Variants in RASAL2 observed in about 807,000 individuals in gnomAD.
RASAL2 encodes the protein ras GTPase-activating protein nGAP.
In RASAL2, 58 loss-of-function variants were observed where a neutral mutation model predicts 128.9. The ratio of observed to expected loss-of-function variants is 0.45; its 90% confidence interval spans 0.36 to 0.56. RASAL2 has a LOEUF of 0.56. Ranked by LOEUF, RASAL2 falls within the 20% of genes least tolerant of loss-of-function variation. RASAL2 has a pLI of 0.00. For missense variants in RASAL2, 1,360 were observed against 1,601.6 expected, an observed-to-expected ratio of 0.85 and a Z score of 2.57; for synonymous variants, 561 against 580.8, an observed-to-expected ratio of 0.97 and a Z score of 0.49.
chr1:178,107,553 G>A (rs910244870), intron 1 of RASAL2, among the ~76,000 whole-genome samples: 1 of 152,048 alleles, frequency 6.6e-6, no homozygotes, highest in Non-Finnish European at 1.5e-5. Context: ...ATAATGTTGT[G>A]TAACCATCAC....
chr1:178,416,153 A>C (rs1674737906), intron 4 of RASAL2, among the ~76,000 whole-genome samples: 1 of 152,062 alleles, frequency 6.6e-6, no homozygotes, highest in South Asian at 2.1e-4. Context: ...CACTGTTTAT[A>C]ACCTTTCGTG....
At chr1:178,188,642 G>A (rs1662391250) in intron 1 of RASAL2, among the ~76,000 whole-genome samples, 3 of 152,038 alleles carry the variant, frequency 2.0e-5, no homozygotes, top group Admixed American at 6.6e-5. Flanking sequence ...CCTCTCAAAA[G>A]CATGTTCAAA....
intron 1 of RASAL2, among the ~76,000 whole-genome samples, chr1:178,133,278 T>A (rs1168580857): frequency 6.6e-6 from 1 of 152,222 alleles, no homozygotes; most frequent in African/African-American, 2.4e-5. Context: ...CTCCCCTGCC[T>A]TTTTGTTATA....
intron 1 of RASAL2, among the ~76,000 whole-genome samples, chr1:178,184,859 G>A (rs538675632): frequency 8.5e-5 from 13 of 152,140 alleles, no homozygotes; most frequent in Admixed American, 3.3e-4. Context: ...CAACTTGCTG[G>A]AAATTTAATT....
At chr1:178,450,931 G>A (rs188624937) in intron 9 of RASAL2, among the ~76,000 whole-genome samples, 1 of 152,298 alleles carries the variant, frequency 6.6e-6, no homozygotes, top group East Asian at 1.9e-4. Context: ...AACAGGTAAG[G>A]TAGGAATTTG....
At chr1:178,265,947 T>C (rs984630492) in intron 1 of RASAL2, among the ~76,000 whole-genome samples, 1 of 152,238 alleles carries the variant, frequency 6.6e-6, no homozygotes, top group African/African-American at 2.4e-5. Flanking sequence ...AGTTCTTTCA[T>C]TCTCCCTGGT....
At chr1:178,357,925 T>C (rs914577688) in intron 3 of RASAL2, among the ~76,000 whole-genome samples, 33 of 151,940 alleles carry the variant, frequency 2.2e-4, no homozygotes, top group Non-Finnish European at 4.6e-4. Context: ...CAGTCTCTTA[T>C]TGAAGTATAT....
chr1:178,240,445 T>C (rs1331575066), intron 1 of RASAL2, among the ~76,000 whole-genome samples: 1 of 151,982 alleles, frequency 6.6e-6, no homozygotes, highest in Non-Finnish European at 1.5e-5. Context: ...ACACAATAGG[T>C]CCATTTTCTT....
intron 1 of RASAL2, among the ~76,000 whole-genome samples, chr1:178,263,245 T>C (rs558385078): frequency 2.2e-4 from 34 of 152,350 alleles, no homozygotes; most frequent in African/African-American, 7.0e-4. Context: ...TTGTTTCAGA[T>C]GTGTGAAGTT....
intron 1 of RASAL2, among the ~76,000 whole-genome samples, chr1:178,221,624 A>C (rs1663616134): frequency 6.6e-6 from 1 of 152,152 alleles, no homozygotes; most frequent in Non-Finnish European, 1.5e-5. Flanking sequence ...CTGAGAGCAG[A>C]CATGGTATGA....
intron 3 of RASAL2, among the ~76,000 whole-genome samples, chr1:178,332,653 C>A (rs1202599953): frequency 6.6e-6 from 1 of 150,818 alleles, no homozygotes; most frequent in Non-Finnish European, 1.5e-5. Context: ...ACTCTGCCGC[C>A]CAGGCTGGAG....
chr1:178,437,605 T>C (rs937445451), intron 5 of RASAL2, among the ~76,000 whole-genome samples: 1 of 152,106 alleles, frequency 6.6e-6, no homozygotes, highest in Non-Finnish European at 1.5e-5. Context: ...GTTGAGAAGC[T>C]CACCCCAGAG....
chr1:178,202,602 A>G (rs1662909719), intron 1 of RASAL2, among the ~76,000 whole-genome samples: 1 of 152,158 alleles, frequency 6.6e-6, no homozygotes, highest in Non-Finnish European at 1.5e-5. Context: ...GGCTATAGTC[A>G]ATGGTTTGGC....
chr1:178,181,222 A>G (rs1306001505), intron 1 of RASAL2, among the ~76,000 whole-genome samples: 1 of 152,108 alleles, frequency 6.6e-6, no homozygotes, highest in Non-Finnish European at 1.5e-5. Flanking sequence ...AATCACCAAG[A>G]TGGTACAGAG....
At chr1:178,329,209 A>C (rs1320704120) in intron 3 of RASAL2, among the ~76,000 whole-genome samples, 1 of 152,210 alleles carries the variant, frequency 6.6e-6, no homozygotes, top group Non-Finnish European at 1.5e-5. Context: ...AAAAAAGGTA[A>C]GGTAAAAGAT....
intron 1 of RASAL2, among the ~76,000 whole-genome samples, chr1:178,242,408 A>G (rs1664539197): frequency 6.9e-6 from 1 of 145,260 alleles, no homozygotes; most frequent in Non-Finnish European, 1.5e-5. Flanking sequence ...TGCTAATGAC[A>G]ATTTTTATAA....
chr1:178,199,685 G>GTT (rs150915734), intron 1 of RASAL2, among the ~76,000 whole-genome samples: 8 of 151,228 alleles, frequency 5.3e-5, no homozygotes, highest in Admixed American at 4.0e-4. Flanking sequence ...AATCTTCTGT[G>GTT]TTTTTTTTTG....
At position 178,371,322 on chromosome 1, in the gene RASAL2, C is replaced by CCACACACACACACACACACACA. The variant is rs370972772; in HGVS notation, c.458-18769_458-18748dup. Among the ~76,000 whole-genome samples the CCACACACACACACACACACACA allele has an allele frequency of 1.7e-3, 208 of 124,466 alleles. 1 individual carries two copies. Among genetic ancestry groups the CCACACACACACACACACACACA allele is most frequent in the African/African-American group, 4.6e-3 (166 of 35,990 alleles). 81.7% of individuals were successfully genotyped at this position (124,466 alleles called of 152,430 possible). ...TTCTTTCAGATTTCAGCCTTCTTTC[C>CCACACACACACACACACACACA]CACACACACACACACACACACACAC... On this transcript the variant is annotated intron_variant, in intron 3 of 17. Transcript: ENST00000367649.
At chr1:178,424,069 G>A (rs1368371490) in intron 5 of RASAL2, among the ~76,000 whole-genome samples, 3 of 151,900 alleles carry the variant, frequency 2.0e-5, no homozygotes, top group Non-Finnish European at 1.5e-5. Context: ...AAGAGGTGAG[G>A]GACCTGTTTC....
Sources: allele counts gnomAD v4.1 joint callset (sites outside exome capture counted in the v4.1 genomes callset), GRCh38; gene constraint gnomAD v4.1.1; transcripts MANE v1.5; gene names NCBI Gene and HGNC (gene_info 2026-07-23, HGNC 2026-07-21).